The following SBF2 variants were observed in gnomAD, a reference collection of about 807,000 sequenced individuals.
SBF2 encodes the protein myotubularin-related protein 13.
A neutral mutation model predicts 225.2 loss-of-function variants in SBF2; 112 were observed. The ratio of observed to expected loss-of-function variants is 0.50; its 90% CI spans 0.43 to 0.58. The LOEUF (loss-of-function observed/expected upper bound fraction) is 0.58. Ranked by LOEUF, SBF2 falls within the 20% of genes least tolerant of loss-of-function variation. The probability of loss-of-function intolerance (pLI) is 0.00; values close to 1 mark genes in which losing one functional copy is unlikely to be tolerated. For missense variants in SBF2, 1,996 were observed against 2,206.2 expected, an observed-to-expected ratio of 0.90 and a Z score of 1.91; for synonymous variants, 763 against 773.3, an observed-to-expected ratio of 0.99 and a Z score of 0.22.
intron 2 of SBF2, among the ~76,000 whole-genome samples, chr11:10,144,038 AATGCATAGAGATATGT>A (rs1386218967): frequency 6.6e-6 from 1 of 152,164 alleles, no homozygotes; most frequent in Non-Finnish European, 1.5e-5. Context: ...AGTTTTGACA[AATGCATAGAGATATGT>A]ATCCCCACTG....
At chr11:10,283,333 G>A (rs1412667819) in intron 1 of SBF2, among the ~76,000 whole-genome samples, 1 of 151,754 alleles carries the variant, frequency 6.6e-6, no homozygotes, top group East Asian at 1.9e-4. Context: ...CTTCAGGGGA[G>A]AAAACTCAGG....
intron 17 of SBF2, among the ~76,000 whole-genome samples, chr11:9,875,310 G>T (rs1590294108): frequency 6.6e-6 from 1 of 152,196 alleles, no homozygotes; most frequent in African/African-American, 2.4e-5. Flanking sequence ...TAGGACTGCA[G>T]ATGGTTTTCA....
chr11:10,232,964 AAG>A (rs1958916823), intron 1 of SBF2, among the ~76,000 whole-genome samples: 3 of 152,210 alleles, frequency 2.0e-5, no homozygotes, highest in Admixed American at 2.0e-4. Context: ...CAGGAAAACC[AAG>A]AGTACAAATT....
intron 2 of SBF2, among the ~76,000 whole-genome samples, chr11:10,060,416 G>C (rs1950394610): frequency 6.6e-6 from 1 of 152,134 alleles, no homozygotes; most frequent in Admixed American, 6.5e-5. Flanking sequence ...AAAAGCCCAG[G>C]AACTGACGGA....
At chr11:10,096,724 C>T (rs950064307) in intron 2 of SBF2, among the ~76,000 whole-genome samples, 2 of 152,126 alleles carry the variant, frequency 1.3e-5, no homozygotes, top group African/African-American at 2.4e-5. Context: ...CTCAATAGTA[C>T]ATTTGTGACA....
chr11:9,805,553 G>A (rs1307797251), intron 32 of SBF2, among the ~76,000 whole-genome samples: 1 of 152,138 alleles, frequency 6.6e-6, no homozygotes, highest in Non-Finnish European at 1.5e-5. Flanking sequence ...GACTTTTGTG[G>A]AGGGGAATAA....
In SBF2 at chr11:9,968,425, G is replaced by C; in HGVS notation, c.1516C>G (p.Gln506Glu). The part of the protein sequence containing the change: ...INEARVQELI[Q>E]ENVAKNQNAP... ...TTCTGGTTCTTAGCAACATTTTCCT[G>C]TATTAATTCCTGAACCCGGGCTTCA... Residue 506 changes from glutamine to glutamate, a missense_variant, in exon 14 of 40, where the codon CAG (glutamine) becomes GAG (glutamate). Transcript: ENST00000256190. 1 of 1,614,038 alleles carries C rather than the reference G, an allele frequency of 6.2e-7. No homozygotes were observed. The highest frequency in any genetic ancestry group is 8.5e-7 in the Non-Finnish European group (1 of 1,179,966).
chr11:10,159,616 C>T (rs117380607), intron 2 of SBF2, among the ~76,000 whole-genome samples: 2,085 of 152,226 alleles, frequency 0.014, 32 homozygotes, highest in Non-Finnish European at 0.021. Flanking sequence ...AAACTCTGCC[C>T]CCTTGGCCGG....
intron 2 of SBF2, among the ~76,000 whole-genome samples, chr11:10,169,790 C>T (rs1055597533): frequency 3.9e-5 from 6 of 152,156 alleles, no homozygotes; most frequent in Admixed American, 2.6e-4. Context: ...AATTTACATT[C>T]CCACTAACAC....
intron 13 of SBF2, among the ~76,000 whole-genome samples, chr11:9,989,012 C>T (rs998885981): frequency 6.8e-6 from 1 of 148,122 alleles, no homozygotes; most frequent in Non-Finnish European, 1.5e-5. Context: ...AAATGCCCAT[C>T]AATGAGTGGA....
chr11:10,121,370 C>A (rs1953439692), intron 2 of SBF2, among the ~76,000 whole-genome samples: 1 of 152,122 alleles, frequency 6.6e-6, no homozygotes, highest in African/African-American at 2.4e-5. Context: ...TCTTTCAATC[C>A]AATTCTGCTC....
At chr11:10,130,624 ACAAT>A (rs1260952643) in intron 2 of SBF2, among the ~76,000 whole-genome samples, 1 of 152,132 alleles carries the variant, frequency 6.6e-6, no homozygotes, top group Non-Finnish European at 1.5e-5. Flanking sequence ...AATCACCATC[ACAAT>A]CAATAAATAA....
chr11:10,015,152 T>C (rs1054540610), intron 6 of SBF2, among the ~76,000 whole-genome samples: 2 of 151,922 alleles, frequency 1.3e-5, no homozygotes, highest in South Asian at 2.1e-4. Context: ...ATAATAATAA[T>C]AAAATAATAA....
chr11:9,789,109 A>G lies in SBF2; in HGVS notation c.4932T>C (p.Ser1644=), dbSNP rs757095964. Residue 1644 remains serine, a splice_region_variant and synonymous_variant, in exon 35 of 40, where the codon AGT becomes AGC. Transcript: ENST00000256190. ...TQPDALTSLF[S]EIEKLEHKLN... The stretch of plus-strand genomic sequence containing the variant: ...AGGTGTGTGTCTACAGTTGACTTAC[A>G]CTGAAAAGGCTGGTGAGAGCATCAG... 4.8e-5 allele frequency: 78 copies of G among 1,613,774 alleles called. No homozygotes were observed. The East Asian group carries it at 5.8e-4, about 12-fold the overall frequency.
chr11:10,229,694 C>T (rs1958742548), intron 1 of SBF2, among the ~76,000 whole-genome samples: 2 of 152,148 alleles, frequency 1.3e-5, no homozygotes, highest in South Asian at 4.1e-4. Flanking sequence ...CTGATAATTT[C>T]TGTTCTTTTA....
intron 16 of SBF2, among the ~76,000 whole-genome samples, chr11:9,940,245 T>C (rs1308138000): frequency 1.3e-5 from 2 of 151,916 alleles, no homozygotes; most frequent in African/African-American, 4.8e-5. Context: ...GTACTAAAAA[T>C]ACAAAAAAAA....
intron 16 of SBF2, among the ~76,000 whole-genome samples, chr11:9,935,993 A>G (rs1317385697): frequency 6.6e-6 from 1 of 152,226 alleles, no homozygotes; most frequent in Non-Finnish European, 1.5e-5. Flanking sequence ...GCACAGCAAA[A>G]GAAACTACCA....
intron 16 of SBF2, chr11:9,956,712 C>T (rs993609399): frequency 6.6e-6 from 1 of 151,998 alleles, no homozygotes; most frequent in Non-Finnish European, 1.5e-5. Flanking sequence ...CAAGAGAAAA[C>T]CACAGCTGGC....
chr11:9,790,038 A>G (rs1376381554), intron 34 of SBF2, among the ~76,000 whole-genome samples: 1 of 152,208 alleles, frequency 6.6e-6, no homozygotes, highest in Non-Finnish European at 1.5e-5. Context: ...GCCCTAAGTA[A>G]TGGTGGAACT....
Sources: gnomAD v4.1 joint callset for allele counts (sites outside exome capture counted in the v4.1 genomes callset) on GRCh38, gnomAD v4.1.1 for gene constraint, MANE v1.5 for transcripts, NCBI Gene and HGNC (gene_info 2026-07-23, HGNC 2026-07-21) for gene names.